Variants in TCAIM observed in about 807,000 individuals in gnomAD.
TCAIM encodes the protein T cell activation inhibitor, mitochondrial, also known as T-cell activation inhibitor, mitochondrial.
TCAIM carries 36 observed loss-of-function variants against 58.6 expected under a neutral mutation model. The ratio of observed to expected loss-of-function variants is 0.61; its 90% CI spans 0.47 to 0.81. The LOEUF (loss-of-function observed/expected upper bound fraction) is 0.81. Among genes scored for constraint, TCAIM ranks in the 30% least tolerant of loss-of-function variants. TCAIM has a pLI of 0.00. For missense variants in TCAIM, 466 were observed against 579.6 expected (o/e 0.80, Z 2.01); for synonymous variants, 172 against 193.6 (o/e 0.89, Z 0.93).
intron 5 of TCAIM, among the ~76,000 whole-genome samples, chr3:44,382,661 G>A (rs566215194): frequency 1.3e-5 from 2 of 152,288 alleles, no homozygotes; most frequent in East Asian, 3.9e-4. Flanking sequence ...TAGGGCAGAA[G>A]ATTCATGACA....
rs751177145 is a variant in TCAIM at position 44,400,412 on chromosome 3, G to A, written c.943G>A (p.Asp315Asn). 10 of 1,613,752 alleles carry A rather than the reference G, an allele frequency of 6.2e-6. No individual in the cohort carries two copies. The highest frequency in any genetic ancestry group is 1.7e-5 in the Admixed American group (1 of 59,998). ...TCAGAGGAGGCTGATGATTTTAGAA[G>A]ACCAAATAAGCTATCTTTTAGGTGG... ...DLQRRLMILE[D>N]QISYLLGGIQ... Residue 315 changes from aspartate to asparagine, a missense_variant, in exon 9 of 11, where the codon GAC becomes AAC. Transcript: ENST00000342649.
intron 8 of TCAIM, among the ~76,000 whole-genome samples, chr3:44,399,908 A>G (rs1701995912): frequency 6.6e-6 from 1 of 152,216 alleles, no homozygotes; most frequent in African/African-American, 2.4e-5. Flanking sequence ...GCTTACGTAT[A>G]TGGTAGGTGC....
chr3:44,375,432 G>T (rs1350105803), intron 5 of TCAIM, among the ~76,000 whole-genome samples: 1 of 152,086 alleles, frequency 6.6e-6, no homozygotes, highest in African/African-American at 2.4e-5. Context: ...AGGAGGAGGC[G>T]CCAGGCTATT....
intron 2 of TCAIM, among the ~76,000 whole-genome samples, chr3:44,356,184 A>G (rs1395269504): frequency 6.6e-6 from 1 of 152,228 alleles, no homozygotes; most frequent in Non-Finnish European, 1.5e-5. Flanking sequence ...TGTCACACCT[A>G]ATGTATGAGA....
chr3:44,339,248 C>T (rs890392770), intron 1 of TCAIM, among the ~76,000 whole-genome samples: 2 of 152,150 alleles, frequency 1.3e-5, no homozygotes, highest in African/African-American at 4.8e-5. Context: ...CCGCTTTTGT[C>T]CCTCCTTGAT....
chr3:44,340,726 G>A (rs1700838850), intron 1 of TCAIM: 1 of 152,172 alleles, frequency 6.6e-6, no homozygotes, highest in Non-Finnish European at 1.5e-5. Context: ...CTGACAGTGT[G>A]TTAAAACAGA....
chr3:44,387,063 C>G (rs570435570), intron 5 of TCAIM, among the ~76,000 whole-genome samples: 2 of 152,176 alleles, frequency 1.3e-5, no homozygotes, highest in Non-Finnish European at 2.9e-5. Context: ...ACATAAAAAC[C>G]CCAAACTCAG....
At chr3:44,356,837 G>A (rs962860985) in intron 2 of TCAIM, among the ~76,000 whole-genome samples, 12 of 151,236 alleles carry the variant, frequency 7.9e-5, no homozygotes, top group Non-Finnish European at 1.5e-4. Flanking sequence ...ACAGTCGGCG[G>A]TAGTGGCACA....
At chr3:44,386,418 A>C (rs1018104417) in intron 5 of TCAIM, among the ~76,000 whole-genome samples, 14 of 152,152 alleles carry the variant, frequency 9.2e-5, no homozygotes, top group Non-Finnish European at 1.8e-4. Context: ...TGCTCTACAG[A>C]GCTGGTGTGG....
rs754039187 is a variant in TCAIM at position 44,367,632 on chromosome 3, T to C, written c.496T>C (p.Ser166Pro). ...TGACAGGCCCATCAAATGGGACAAGTCTTATTACTCCTTTACTGGATTCAA... is the reference window on the plus strand; with the variant it reads ...TGACAGGCCCATCAAATGGGACAAGCCTTATTACTCCTTTACTGGATTCAA... ...MPDRPIKWDK[S>P]YYSFTGFKDP... Residue 166 changes from serine to proline, a missense_variant, in exon 5 of 11, where the codon TCT becomes CCT. Ser to Pro is a moderately conservative substitution (Grantham distance 74). Transcript: ENST00000342649. 2.4e-5 allele frequency: 39 copies of C among 1,614,146 alleles called. No homozygotes were observed. The highest frequency in any genetic ancestry group is 3.3e-5 in the Non-Finnish European group (39 of 1,180,014).
intron 4 of TCAIM, among the ~76,000 whole-genome samples, chr3:44,366,071 C>A (rs189057350): frequency 2.1e-4 from 32 of 152,270 alleles, no homozygotes; most frequent in Admixed American, 1.8e-3. Flanking sequence ...CAGATTTAAG[C>A]CCTGGCTTCA....
At chr3:44,402,742 T>G (rs1218889608) in intron 10 of TCAIM, among the ~76,000 whole-genome samples, 3 of 152,054 alleles carry the variant, frequency 2.0e-5, no homozygotes, top group Non-Finnish European at 4.4e-5. Context: ...GAGCCAAAGC[T>G]GACACCCTGG....
In TCAIM at chr3:44,367,454, A is replaced by G; in HGVS notation, c.320-2A>G. 6.2e-7 allele frequency: 1 copy of G among 1,604,202 alleles called. No homozygotes were observed. The highest frequency in any genetic ancestry group is 8.5e-7 in the Non-Finnish European group (1 of 1,173,118). Reference sequence around the variant, plus strand: ...ATTGTTTGGGGGAATTATATTCTCTAGGATTTCGAGCAGTCAAATTTACTT... The same window carrying G: ...ATTGTTTGGGGGAATTATATTCTCTGGGATTTCGAGCAGTCAAATTTACTT... On this transcript the variant is annotated splice_acceptor_variant, in intron 4 of 10. Transcript: ENST00000342649. LOFTEE classifies it high-confidence loss of function.
At chr3:44,378,144 G>T (rs904679080) in intron 5 of TCAIM, among the ~76,000 whole-genome samples, 1 of 152,104 alleles carries the variant, frequency 6.6e-6, no homozygotes. Context: ...ACTTTGGGAG[G>T]CTGAGGTGGG....
At chr3:44,355,817 A>G (rs1701179939) in intron 2 of TCAIM, among the ~76,000 whole-genome samples, 1 of 152,232 alleles carries the variant, frequency 6.6e-6, no homozygotes, top group African/African-American at 2.4e-5. Context: ...TAGAAAGATA[A>G]TAATGACTCA....
At position 44,374,282 on chromosome 3, in the gene TCAIM, CTTTCT is replaced by C. The variant is rs1228387131; in HGVS notation, c.572+6578_572+6582del. ...GGACTAGCAAAGTTGTTTTGCTTTG[CTTTCT>C]TTTTTTTTTTTTTTATTTTAACTAT... On this transcript the variant is annotated intron_variant, in intron 5 of 10. Coordinates refer to ENST00000342649, the MANE Select transcript of TCAIM (RefSeq NM_173826.4). Among the ~76,000 whole-genome samples, 301 of 97,724 alleles carry C rather than the reference CTTTCT, an allele frequency of 3.1e-3. 3 individuals carry two copies. In the East Asian group the frequency reaches 0.049, roughly 16 times the overall value. The allele number at this position is 97,724 out of a possible 152,430, so 64.1% of individuals were successfully genotyped here.
chr3:44,377,165 G>T (rs531115189), intron 5 of TCAIM, among the ~76,000 whole-genome samples: 59 of 152,314 alleles, frequency 3.9e-4, no homozygotes, highest in African/African-American at 1.3e-3. Flanking sequence ...TAGATCCGGA[G>T]TTGAAAGTGA....
At position 44,361,476 on chromosome 3, in the gene TCAIM, G is replaced by A. The variant is rs751569832; in HGVS notation, c.277G>A (p.Asp93Asn). 9.3e-6 allele frequency: 15 copies of A among 1,609,814 alleles called. No individual in the cohort carries two copies. The South Asian group carries it at 1.4e-4, about 16-fold the overall frequency. Residue 93 changes from aspartate to asparagine, a missense_variant, in exon 4 of 11, where the codon GAC (aspartate) becomes AAC (asparagine). By Grantham distance (23) the Asp-to-Asn change is conservative. Transcript: ENST00000342649. ...TQLTFYVRETDQSSSDGQEPF... is the reference protein window; with the variant it reads ...TQLTFYVRETNQSSSDGQEPF... The stretch of plus-strand genomic sequence containing the variant: ...GCTTACATTTTATGTAAGAGAAACA[G>A]ACCAGAGTTCCTCCGATGGCCAGGA...
intron 6 of TCAIM, 99 bp downstream of exon 6, chr3:44,393,076 C>A: frequency 1.0e-6 from 1 of 985,134 alleles, no homozygotes; most frequent in Non-Finnish European, 1.5e-6. Context: ...TTTAATTGCT[C>A]TGATAACTGA....
Sources: gnomAD v4.1 joint callset for allele counts (sites outside exome capture counted in the v4.1 genomes callset) on GRCh38, gnomAD v4.1.1 for gene constraint, MANE v1.5 for transcripts, NCBI Gene and HGNC (gene_info 2026-07-23, HGNC 2026-07-21) for gene names.